Variants in LBP observed in about 807,000 individuals in gnomAD.
LBP encodes the protein lipopolysaccharide-binding protein.
In LBP, 53 loss-of-function variants were observed where a neutral mutation model predicts 56.6. The observed-to-expected ratio is 0.94, with a 90% CI of 0.75 to 1.18. The LOEUF is 1.18. Ranked by LOEUF, LBP falls within the 50% of genes most tolerant of loss-of-function variation. The pLI, the probability that LBP is intolerant of heterozygous loss-of-function variation, is 0.00. For missense variants in LBP, 601 were observed against 598.3 expected, an observed-to-expected ratio of 1.00 and a Z score of -0.05; for synonymous variants, 227 against 247.5, an observed-to-expected ratio of 0.92 and a Z score of 0.78.
At chr20:38,355,193 G>A (rs962281121) in intron 4 of LBP, among the ~76,000 whole-genome samples, 153 bp from the exon 5 acceptor site, 2 of 152,228 alleles carry the variant, frequency 1.3e-5, no homozygotes, top group Non-Finnish European at 2.9e-5. Context: ...CAGACACACC[G>A]AATCAGGCTG....
At chr20:38,353,309 A>G (rs2076826743) in intron 3 of LBP, among the ~76,000 whole-genome samples, 1 of 151,962 alleles carries the variant, frequency 6.6e-6, no homozygotes, top group Non-Finnish European at 1.5e-5. Context: ...TTCCTTACCC[A>G]TTAAACAATC....
intron 8 of LBP, among the ~76,000 whole-genome samples, chr20:38,365,696 CAAAAAAAAAAAAAA>C (rs1170058556): frequency 1.9e-5 from 2 of 103,784 alleles, no homozygotes; most frequent in African/African-American, 6.9e-5. Context: ...GACTGCATCT[CAAAAAAAAAAAAAA>C]AAAAAAAATA....
At chr20:38,346,773 C>A (rs979194095) in intron 1 of LBP, 133 bp downstream of exon 1, 2 of 1,261,210 alleles carry the variant, frequency 1.6e-6, no homozygotes, top group African/African-American at 1.5e-5. Flanking sequence ...GGTCAGGTGG[C>A]TCTGGCTCCT....
chr20:38,376,041 C>T (rs1482473999), intron 14 of LBP, among the ~76,000 whole-genome samples: 1 of 152,186 alleles, frequency 6.6e-6, no homozygotes, highest in Non-Finnish European at 1.5e-5. Flanking sequence ...GTTTTCTCCT[C>T]TGTAAAACGG....
intron 1 of LBP, among the ~76,000 whole-genome samples, chr20:38,348,287 T>C (rs2076807758): frequency 6.6e-6 from 1 of 152,010 alleles, no homozygotes; most frequent in African/African-American, 2.4e-5. Context: ...TAACCAGTCC[T>C]CTGAGGTTGG....
intron 5 of LBP, among the ~76,000 whole-genome samples, chr20:38,356,184 C>A (rs1187394045): frequency 6.4e-5 from 5 of 77,644 alleles, no homozygotes; most frequent in African/African-American, 3.3e-4. Flanking sequence ...CACACAAACA[C>A]ACCCCACACA....
chr20:38,351,332 G>GTGGAT (rs2076819782), intron 3 of LBP, among the ~76,000 whole-genome samples: 1 of 152,210 alleles, frequency 6.6e-6, no homozygotes, highest in Non-Finnish European at 1.5e-5. Context: ...AGGGAAGGAA[G>GTGGAT]TCAGCCTGGT....
Position 38,349,644 on chromosome 20 carries a change from G to A in LBP, c.221G>A (p.Gly74Glu), listed in dbSNP as rs199664474. The change falls in exon 2 of 15, where the codon GGG (glycine) becomes GAG (glutamate). Residue 74 changes from glycine to glutamate, a missense_variant. Gly to Glu is a moderately conservative substitution (Grantham distance 98, BLOSUM62 -2). Transcript: ENST00000217407. ...TTGAGGATCCCCCACGTCGGCCGTG[G>A]GCGCTATGAGTTCCACAGGTGGGGC... is the stretch of plus-strand genomic sequence containing the variant. The part of the protein sequence containing the change: ...GDLRIPHVGR[G>E]RYEFHSLNIH... The A allele has an allele frequency of 7.8e-5, 126 of 1,606,618 alleles. No individual in the cohort carries two copies. In the East Asian group the frequency reaches 1.5e-3, roughly 19 times the overall value.
In LBP at chr20:38,371,141, T is replaced by A; in HGVS notation, c.1218-139T>A. The A allele has an allele frequency of 4.6e-6, 3 of 655,922 alleles. 1 individual carries two copies. In the South Asian group the frequency reaches 5.7e-5, roughly 12 times the overall value. The allele number at this position is 655,922 out of a possible 1,614,324, so 40.6% of individuals were successfully genotyped here. On this transcript the variant is annotated intron_variant, in intron 11 of 14. Transcript: ENST00000217407. Reference sequence around the variant, plus strand: ...TGTATCACTGCTTTTAGTTCCTCAGTCATCTTTTCCACTCCTGCTCCCGCC... The same window carrying A: ...TGTATCACTGCTTTTAGTTCCTCAGACATCTTTTCCACTCCTGCTCCCGCC...
intron 1 of LBP, 62 bp downstream of exon 1, chr20:38,346,702 A>G: frequency 1.2e-6 from 2 of 1,602,414 alleles, no homozygotes; most frequent in East Asian, 2.2e-5. Context: ...CTCTGGGTAC[A>G]GTGGGGACAG....
chr20:38,363,161 G>A (rs1010380656), intron 6 of LBP, among the ~76,000 whole-genome samples: 2 of 152,096 alleles, frequency 1.3e-5, no homozygotes, highest in African/African-American at 2.4e-5. Context: ...ACCTATGGTC[G>A]CATGTCTTTG....
intron 5 of LBP, among the ~76,000 whole-genome samples, chr20:38,359,848 G>A (rs1457041765): frequency 3.3e-5 from 5 of 152,172 alleles, no homozygotes; most frequent in Admixed American, 2.6e-4. Context: ...CACAACTGGT[G>A]GCAATTGTGT....
chr20:38,375,400 G>T (rs1427453993), intron 14 of LBP, among the ~76,000 whole-genome samples: 3 of 151,860 alleles, frequency 2.0e-5, no homozygotes, highest in Admixed American at 1.3e-4. Flanking sequence ...GGCCAACATG[G>T]TGAAACCCCA....
Position 38,364,679 on chromosome 20 carries a change from A to T in LBP, c.848A>T (p.Asp283Val). ...HNKMVYFAIS[D>V]YVFNTASLVY... is the part of the protein sequence containing the mutation. ...AAAATGGTCTACTTTGCCATCTCGG[A>T]TTATGTCTTCAACACGGCCAGCCTG... is the stretch of plus-strand genomic sequence containing the variant. Residue 283 changes from aspartate (D) to valine (V), a missense_variant, in exon 8 of 15, where the codon GAT (aspartate) becomes GTT (valine). By Grantham distance (152) the Asp-to-Val change is radical (BLOSUM62 -3). Transcript: ENST00000217407. 1 of 1,614,136 alleles carries T rather than the reference A, an allele frequency of 6.2e-7. No individual in the cohort carries two copies. The highest frequency in any genetic ancestry group is 8.5e-7 in the Non-Finnish European group (1 of 1,180,022).
chr20:38,373,191 AAG>A, intron 13 of LBP, 56 bp downstream of exon 13: 1 of 1,483,404 alleles, frequency 6.7e-7, no homozygotes, highest in East Asian at 2.3e-5. Context: ...GTCTGGAGGA[AAG>A]AGAGTTGGAC....
chr20:38,346,696 G>C (rs992363466), intron 1 of LBP, 56 bp downstream of exon 1: 2 of 1,604,708 alleles, frequency 1.2e-6, no homozygotes, highest in East Asian at 4.5e-5. Context: ...AGGCTGCTCT[G>C]GGTACAGTGG....
intron 1 of LBP, 68 bp downstream of exon 1, chr20:38,346,708 G>A: frequency 6.3e-7 from 1 of 1,596,972 alleles, no homozygotes; most frequent in Admixed American, 1.7e-5. Flanking sequence ...GTACAGTGGG[G>A]ACAGGGAGTG....
chr20:38,364,145 A>G, intron 7 of LBP, 79 bp downstream of exon 7: 2 of 937,850 alleles, frequency 2.1e-6, no homozygotes, highest in African/African-American at 1.6e-5. Context: ...TGTCCCCCCA[A>G]CTTCAGATCT....
chr20:38,349,641 G>A lies in LBP; in HGVS notation c.218G>A (p.Arg73His), dbSNP rs764823602. 9.3e-6 allele frequency: 15 copies of A among 1,607,838 alleles called. No individual in the cohort carries two copies. The East Asian group carries it at 1.1e-4, about 12-fold the overall frequency. The change falls in exon 2 of 15, where the codon CGT becomes CAT. Residue 73 changes from arginine to histidine, a missense_variant. Coordinates refer to ENST00000217407, the MANE Select transcript of LBP (RefSeq NM_004139.5). Reference protein sequence around the residue: ...TGDLRIPHVGRGRYEFHSLNI... With the variant: ...TGDLRIPHVGHGRYEFHSLNI... ...GACTTGAGGATCCCCCACGTCGGCC[G>A]TGGGCGCTATGAGTTCCACAGGTGG... is the stretch of plus-strand genomic sequence containing the variant.
Sources: gnomAD v4.1 joint callset for allele counts (sites outside exome capture counted in the v4.1 genomes callset) on GRCh38, gnomAD v4.1.1 for gene constraint, MANE v1.5 for transcripts, NCBI Gene and HGNC (gene_info 2026-07-23, HGNC 2026-07-21) for gene names.